PPEF1: variants seen among roughly 807,000 people sequenced by gnomAD.
PPEF1 encodes the protein protein phosphatase with EF-hand domain 1, also known as serine/threonine-protein phosphatase with EF-hands 1.
PPEF1 carries 12 observed loss-of-function variants against 53.3 expected under a neutral mutation model. The ratio of observed to expected loss-of-function variants is 0.23; its 90% CI spans 0.14 to 0.36. PPEF1 has a LOEUF of 0.36. Among genes scored for constraint, PPEF1 ranks in the 10% least tolerant of loss-of-function variants. The pLI, the probability that PPEF1 is intolerant of heterozygous loss-of-function variation, is 1.00. For synonymous variants in PPEF1, 165 were observed against 176.7 expected (o/e 0.93, Z 0.52); for missense variants, 334 against 490.4 (o/e 0.68, Z 3.01).
intron 13 of PPEF1, among the ~76,000 whole-genome samples, chrX:18,820,994 A>C (rs1272032972): frequency 9.1e-6 from 1 of 109,315 alleles, no homozygotes; most frequent in Non-Finnish European, 1.9e-5. Flanking sequence ...GAGGCCGAGG[A>C]GGGTGGATCA....
intron 9 of PPEF1, among the ~76,000 whole-genome samples, 168 bp from the exon 10 acceptor site, chrX:18,788,953 A>G (rs1482895311): frequency 8.9e-6 from 1 of 112,962 alleles, no homozygotes; most frequent in Non-Finnish European, 1.9e-5. Context: ...CTTTACAGAC[A>G]TCAGTGGATG....
intron 12 of PPEF1, among the ~76,000 whole-genome samples, chrX:18,817,225 G>A (rs1381420713): frequency 9.0e-6 from 1 of 110,753 alleles, no homozygotes; most frequent in Non-Finnish European, 1.9e-5. Context: ...TGAGGTAGAG[G>A]TTGAAGTCTA....
chrX:18,708,997 C>G (rs746338512), intron 1 of PPEF1, among the ~76,000 whole-genome samples: 1 of 109,873 alleles, frequency 9.1e-6, no homozygotes, highest in Non-Finnish European at 1.9e-5. Context: ...AACAAATCCT[C>G]TCTCTTTTTG....
At chrX:18,725,670 G>A (rs927573866) in intron 1 of PPEF1, among the ~76,000 whole-genome samples, 1 of 111,703 alleles carries the variant, frequency 9.0e-6, no homozygotes, top group Non-Finnish European at 1.9e-5. Context: ...GGAAGGGTGG[G>A]GTTAGAGTTG....
rs775261431 is a variant in PPEF1 at position 18,716,268 on chromosome X, C to G, written c.46+8442C>G. 2.7e-5 allele frequency among the ~76,000 whole-genome samples: 3 copies of G among 111,678 alleles called. No individual in the cohort carries two copies. In the East Asian group the frequency reaches 8.5e-4, roughly 31 times the overall value. On this transcript the variant is annotated intron_variant, in intron 1 of 15. Coordinates refer to ENST00000470157, the MANE Select transcript of PPEF1 (RefSeq NM_001377996.1). Reference sequence around the variant, plus strand: ...CAAACAATCGCCAGGCGCGGTGGCTCACGCCTGTAATCCCAGCACTTTGGG... The same window carrying G: ...CAAACAATCGCCAGGCGCGGTGGCTGACGCCTGTAATCCCAGCACTTTGGG...
At chrX:18,787,424 T>C (rs1404922043) in intron 9 of PPEF1, among the ~76,000 whole-genome samples, 1 of 111,137 alleles carries the variant, frequency 9.0e-6, no homozygotes, top group African/African-American at 3.3e-5. Flanking sequence ...TTTCTAAAAC[T>C]AAGATTCTGG....
At chrX:18,747,251 T>C (rs1437378925) in intron 3 of PPEF1, among the ~76,000 whole-genome samples, 4 of 110,650 alleles carry the variant, frequency 3.6e-5, no homozygotes, top group Non-Finnish European at 7.6e-5. Context: ...TGTTTAATTG[T>C]GTTACAGAGT....
At chrX:18,746,017 T>C (rs2045322625) in intron 3 of PPEF1, among the ~76,000 whole-genome samples, 1 of 112,141 alleles carries the variant, frequency 8.9e-6, no homozygotes, top group Admixed American at 9.5e-5. Flanking sequence ...TTTTTCCCTG[T>C]CCAGATTTTG....
At chrX:18,710,739 A>G (rs758866313) in intron 1 of PPEF1, among the ~76,000 whole-genome samples, 3 of 111,683 alleles carry the variant, frequency 2.7e-5, no homozygotes, top group Non-Finnish European at 3.8e-5. Flanking sequence ...GGGAATGTAA[A>G]TTAGTACAAC....
intron 4 of PPEF1, among the ~76,000 whole-genome samples, chrX:18,754,685 C>A (rs188269345): frequency 2.8e-3 from 318 of 111,891 alleles, no homozygotes; most frequent in African/African-American, 9.8e-3. Context: ...GAAGCCTTGA[C>A]CTCCTGGGCT....
At chrX:18,688,754 T>C (rs1929200449) in intron 3 of PPEF1, 1 of 112,320 alleles carries the variant, frequency 8.9e-6, no homozygotes, top group African/African-American at 3.2e-5. Flanking sequence ...TAGGGAGACA[T>C]GAGAATTCAA....
At chrX:18,791,323 G>T in intron 10 of PPEF1, among the ~76,000 whole-genome samples, 1 of 111,852 alleles carries the variant, frequency 8.9e-6, no homozygotes, top group East Asian at 2.8e-4. Flanking sequence ...AGGTCAATTT[G>T]GGTACTATGG....
intron 2 of PPEF1, among the ~76,000 whole-genome samples, chrX:18,731,189 CAT>C (rs1178929147): frequency 2.1e-4 from 24 of 111,980 alleles, no homozygotes; most frequent in African/African-American, 7.5e-4. Context: ...GAACATGAAA[CAT>C]ACAGCAAAAG....
At chrX:18,744,242 G>A (rs2045273097) in intron 3 of PPEF1, among the ~76,000 whole-genome samples, 2 of 111,693 alleles carry the variant, frequency 1.8e-5, no homozygotes, top group Non-Finnish European at 1.9e-5. Context: ...TCCAGATATC[G>A]GGGCCACCAG....
intron 6 of PPEF1, among the ~76,000 whole-genome samples, chrX:18,702,299 G>A (rs1365281059): frequency 9.1e-6 from 1 of 110,452 alleles, no homozygotes; most frequent in African/African-American, 3.3e-5. Flanking sequence ...TCCCACTGTG[G>A]TGGTCGGGGG....
rs1050131117 is a variant in PPEF1 at position 18,764,266 on chromosome X, G to T, written c.558+2690G>T. On this transcript the variant is annotated intron_variant, in intron 6 of 15. Coordinates refer to ENST00000470157, the MANE Select transcript of PPEF1 (RefSeq NM_001377996.1). Reference sequence around the variant, plus strand: ...AAGCAGGTGTGTTCAACAGTGGGGGGCACCACGTGGACCCAGATGAGGAGC... The same window carrying T: ...AAGCAGGTGTGTTCAACAGTGGGGGTCACCACGTGGACCCAGATGAGGAGC... Among the ~76,000 whole-genome samples the T allele has an allele frequency of 1.2e-4, 13 of 111,491 alleles. 1 individual carries two copies. The Admixed American group carries it at 1.2e-3, about 11-fold the overall frequency.
At chrX:18,678,721 C>T (rs763420329), upstream of PPEF1, among the ~76,000 whole-genome samples, 10 of 111,782 alleles carry the variant, frequency 8.9e-5, no homozygotes, top group African/African-American at 2.9e-4. Flanking sequence ...ACCTTCCCCT[C>T]GGCTTTTAGG....
intron 6 of PPEF1, among the ~76,000 whole-genome samples, chrX:18,701,388 T>C (rs765887336): frequency 3.9e-4 from 44 of 112,424 alleles, no homozygotes; most frequent in African/African-American, 1.4e-3. Context: ...CACCCATGCA[T>C]GGCCCCTCCT....
At chrX:18,693,335 A>G (rs1474340785) in intron 4 of PPEF1, among the ~76,000 whole-genome samples, 1 of 111,753 alleles carries the variant, frequency 8.9e-6, no homozygotes, top group Non-Finnish European at 1.9e-5. Context: ...CCCCCAGGTT[A>G]ATGCTCCCAA....
Sources: gnomAD v4.1 joint callset for allele counts (sites outside exome capture counted in the v4.1 genomes callset) on GRCh38, gnomAD v4.1.1 for gene constraint, MANE v1.5 for transcripts, NCBI Gene and HGNC (gene_info 2026-07-23, HGNC 2026-07-21) for gene names.